The following MAP3K15 variants were observed in gnomAD, a reference collection of about 807,000 sequenced individuals.
MAP3K15 encodes mitogen-activated protein kinase kinase kinase 15.
Under a neutral mutation model 99.5 loss-of-function variants are expected in MAP3K15, and 124 were observed. The observed-to-expected ratio is 1.25, with a 90% CI of 1.08 to 1.45. The LOEUF (loss-of-function observed/expected upper bound fraction) is 1.45. Ranked by LOEUF, MAP3K15 falls within the 40% of genes most tolerant of loss-of-function variation. The pLI is 0.00. For synonymous variants in MAP3K15, 494 were observed against 439.6 expected, an observed-to-expected ratio of 1.12 and a Z score of -1.55; for missense variants, 1,242 against 1,079.7, an observed-to-expected ratio of 1.15 and a Z score of -2.11.
intron 3 of MAP3K15, among the ~76,000 whole-genome samples, chrX:19,485,308 CAAAAAAAAAAAAAAAA>C (rs368987947): frequency 2.3e-3 from 18 of 7,936 alleles, no homozygotes; most frequent in Admixed American, 0.022. Flanking sequence ...GACTCTGTCT[CAAAAAAAAAAAAAAAA>C]AAAAAAAAAA....
Position 19,426,279 on chromosome X carries a change from T to C in MAP3K15, c.1231A>G (p.Ile411Val). 8.5e-7 allele frequency: 1 copy of C among 1,172,726 alleles called. No homozygotes were observed. The highest frequency in any genetic ancestry group is 3.0e-5 in the East Asian group (1 of 32,819). The change falls in exon 8 of 29, where the codon ATT becomes GTT. Residue 411 changes from isoleucine to valine, a missense_variant. Coordinates refer to ENST00000338883, the MANE Select transcript of MAP3K15 (RefSeq NM_001001671.4). ...YSGINLAVLL[I>V]VAGQQFETSL... ...GTTTCAAATTGTTGTCCAGCAACAA[T>C]CAGCAAAACTGCAAGATTAATTCCC...
intron 1 of MAP3K15, among the ~76,000 whole-genome samples, chrX:19,511,018 C>T (rs1387167102): frequency 2.2e-4 from 25 of 111,512 alleles, no homozygotes; most frequent in African/African-American, 8.1e-4. Flanking sequence ...TAACGCCACA[C>T]ATCTACAACC....
intron 9 of MAP3K15, among the ~76,000 whole-genome samples, chrX:19,417,452 A>G (rs1395675631): frequency 8.9e-6 from 1 of 112,001 alleles, no homozygotes; most frequent in South Asian, 3.7e-4. Context: ...TTGCTAGCAC[A>G]GCAGTCTGAG....
chrX:19,384,911 TCTATATACCCCATAAATATATATACCTG>T (rs2063485411), intron 18 of MAP3K15, among the ~76,000 whole-genome samples: 2 of 110,732 alleles, frequency 1.8e-5, no homozygotes, highest in Non-Finnish European at 3.8e-5. Flanking sequence ...ATCAAAATAG[TCTATATACCCCATAAATATATATACCTG>T]CTATATACCC....
intron 6 of MAP3K15, among the ~76,000 whole-genome samples, chrX:19,449,742 C>T (rs140335403): frequency 5.5e-4 from 60 of 109,523 alleles, no homozygotes; most frequent in African/African-American, 1.8e-3. Context: ...CCCTGTCCCA[C>T]GCAAAATAGT....
intron 9 of MAP3K15, among the ~76,000 whole-genome samples, chrX:19,417,612 G>T (rs762547421): frequency 8.9e-6 from 1 of 112,067 alleles, no homozygotes; most frequent in East Asian, 2.8e-4. Context: ...CTCCACCTCT[G>T]GGGGCAGGGC....
chrX:19,424,032 G>C (rs2063808557), intron 9 of MAP3K15, among the ~76,000 whole-genome samples: 1 of 110,905 alleles, frequency 9.0e-6, no homozygotes, highest in Non-Finnish European at 1.9e-5. Flanking sequence ...CACTGGGAAA[G>C]GACAACTGGA....
intron 15 of MAP3K15, among the ~76,000 whole-genome samples, chrX:19,396,937 T>C (rs1251887918): frequency 2.8e-5 from 3 of 108,635 alleles, no homozygotes; most frequent in Non-Finnish European, 3.8e-5. Context: ...TCTCACTCTG[T>C]CACCCAGGCT....
intron 3 of MAP3K15, among the ~76,000 whole-genome samples, chrX:19,481,453 C>T (rs2064289402): frequency 9.0e-6 from 1 of 111,032 alleles, no homozygotes; most frequent in Non-Finnish European, 1.9e-5. Context: ...AGGAGTCATA[C>T]TTCATGACCT....
chrX:19,423,404 T>G (rs962843398), intron 9 of MAP3K15, among the ~76,000 whole-genome samples: 14 of 105,440 alleles, frequency 1.3e-4, no homozygotes, highest in Admixed American at 4.2e-4. Flanking sequence ...AGAATCTGAC[T>G]AGGTAGATTT....
At chrX:19,443,022 CTTTTTTTT>C (rs35963207) in intron 6 of MAP3K15, among the ~76,000 whole-genome samples, 3 of 17,236 alleles carry the variant, frequency 1.7e-4, no homozygotes, top group African/African-American at 6.1e-4. Flanking sequence ...CCATGCCCGG[CTTTTTTTT>C]TTTTTTTTTT....
intron 18 of MAP3K15, among the ~76,000 whole-genome samples, chrX:19,386,690 T>C (rs964345143): frequency 7.2e-5 from 8 of 110,996 alleles, no homozygotes; most frequent in Non-Finnish European, 1.5e-4. Flanking sequence ...TCCTGGAGAA[T>C]TGTCCAATAG....
chrX:19,370,911 A>C, intron 24 of MAP3K15, 48 bp downstream of exon 24: 1 of 938,072 alleles, frequency 1.1e-6, no homozygotes, highest in East Asian at 3.2e-5. Context: ...GATATTTCTT[A>C]TCTTTTCACG....
At chrX:19,455,561 T>C (rs898331205) in intron 6 of MAP3K15, among the ~76,000 whole-genome samples, 5 of 91,881 alleles carry the variant, frequency 5.4e-5, no homozygotes, top group Admixed American at 1.3e-4. Flanking sequence ...GGTTTTGCCA[T>C]GTTGCCCAGG....
intron 7 of MAP3K15, among the ~76,000 whole-genome samples, chrX:19,430,854 A>T (rs765533006): frequency 3.6e-5 from 4 of 110,003 alleles, no homozygotes; most frequent in African/African-American, 1.3e-4. Context: ...ATCTTTAGGC[A>T]CCTTCACTGA....
At chrX:19,373,307 G>A in intron 21 of MAP3K15, 1 of 401,622 alleles carries the variant, frequency 2.5e-6, no homozygotes, top group Non-Finnish European at 4.3e-6. Flanking sequence ...GAGGAGAGGT[G>A]GGGGAGGGCA....
At chrX:19,489,023 A>G in intron 1 of MAP3K15, 56 bp from the exon 2 acceptor site, 2 of 1,091,109 alleles carry the variant, frequency 1.8e-6, no homozygotes, top group Admixed American at 2.2e-5. Context: ...TACTTCATCT[A>G]CTCACTGGTG....
At chrX:19,497,265 G>C (rs1234582274) in intron 1 of MAP3K15, 1 of 108,114 alleles carries the variant, frequency 9.2e-6, no homozygotes, top group Non-Finnish European at 1.9e-5. Flanking sequence ...ACGTTCAAGC[G>C]ATTCTCCTGC....
chrX:19,443,999 C>CCTAT (rs1702947415), intron 6 of MAP3K15, among the ~76,000 whole-genome samples: 2 of 111,310 alleles, frequency 1.8e-5, no homozygotes, highest in African/African-American at 6.5e-5. Context: ...TCCTCACACC[C>CCTAT]CCAGCTGCAC....
Sources: gnomAD v4.1 joint callset for allele counts (sites outside exome capture counted in the v4.1 genomes callset) on GRCh38, gnomAD v4.1.1 for gene constraint, MANE v1.5 for transcripts, NCBI Gene and HGNC (gene_info 2026-07-23, HGNC 2026-07-21) for gene names.